OSBPL3: variants seen among roughly 807,000 people sequenced by gnomAD.
OSBPL3 encodes oxysterol binding protein like 3.
In OSBPL3, 65 loss-of-function variants were observed where a neutral mutation model predicts 120.1. The observed-to-expected ratio is 0.54, with a 90% CI of 0.44 to 0.67. OSBPL3 has a LOEUF of 0.67. OSBPL3 is among the 30% of genes least tolerant of loss of function. The pLI, the probability that OSBPL3 is intolerant of heterozygous loss-of-function variation, is 0.00. For missense variants in OSBPL3, 1,004 were observed against 1,082.1 expected, an observed-to-expected ratio of 0.93 and a Z score of 1.01; for synonymous variants, 416 against 402.6, an observed-to-expected ratio of 1.03 and a Z score of -0.40.
rs1380498570 is a variant in OSBPL3 at position 24,913,812 on chromosome 7, C to A, written c.-149-21191G>T. On this transcript the variant is annotated intron_variant, in intron 1 of 22. Coordinates refer to ENST00000313367, the MANE Select transcript of OSBPL3 (RefSeq NM_015550.4). This position sits in a 1 kb window ranked among gnomAD's most constrained non-coding sequence, Gnocchi z 5.3. The stretch of plus-strand genomic sequence containing the variant: ...GTAACAGGGTCAGTCAGTGGGGATA[C>A]AACTAGGACGAGGACAAGGACCAAG... Among the ~76,000 whole-genome samples, 1 of 152,118 alleles carries A rather than the reference C, an allele frequency of 6.6e-6. No individual in the cohort carries two copies. The highest frequency in any genetic ancestry group is 2.4e-5 in the African/African-American group (1 of 41,408).
intron 12 of OSBPL3, 77 bp downstream of exon 12, chr7:24,848,992 G>T: frequency 1.0e-6 from 1 of 982,070 alleles, no homozygotes; most frequent in Non-Finnish European, 1.6e-6. Context: ...AAGCAGGGAG[G>T]TCGTGCAATG....
In OSBPL3 at chr7:24,917,454, CAT is replaced by C. The variant is rs1174566621; in HGVS notation, c.-149-24835_-149-24834del. ...TGTAACATATATATATATACACACA[CAT>C]ATATATATATATACACACACACACA... On this transcript the variant is annotated intron_variant, in intron 1 of 22. Coordinates refer to ENST00000313367, the MANE Select transcript of OSBPL3 (RefSeq NM_015550.4). Among the ~76,000 whole-genome samples, 110 of 84,522 alleles carry C rather than the reference CAT, an allele frequency of 1.3e-3. 5 individuals are homozygous for C. The highest frequency in any genetic ancestry group is 1.6e-3 in the Non-Finnish European group (69 of 43,892). 55.4% of individuals were successfully genotyped at this position (84,522 alleles called of 152,430 possible).
At chr7:24,810,587 AAC>A (rs1793670792) in intron 19 of OSBPL3, among the ~76,000 whole-genome samples, 1 of 152,208 alleles carries the variant, frequency 6.6e-6, no homozygotes. Flanking sequence ...TCAAGTATAC[AAC>A]ACAGTTATTA....
At chr7:24,909,722 G>A (rs1320676574) in intron 1 of OSBPL3, among the ~76,000 whole-genome samples, 1 of 150,474 alleles carries the variant, frequency 6.6e-6, no homozygotes, top group South Asian at 2.1e-4. Flanking sequence ...GGAACCTATG[G>A]CAGTAAGAAT....
chr7:24,933,843 C>T lies in OSBPL3; in HGVS notation c.-149-41222G>A, dbSNP rs79545827. Among the ~76,000 whole-genome samples the T allele has an allele frequency of 9.6e-3, 1,457 of 152,210 alleles. 11 individuals carry two copies. Among genetic ancestry groups the T allele is most frequent in the Middle Eastern group, 0.034 (10 of 294 alleles). On this transcript the variant is annotated intron_variant, in intron 1 of 22. Coordinates refer to ENST00000313367, the MANE Select transcript of OSBPL3 (RefSeq NM_015550.4). This position sits in a 1 kb window ranked among gnomAD's most constrained non-coding sequence, Gnocchi z 5.1. ...TTTGGAATTTCAGTCAAATATACAG[C>T]GAAACATATATACACAAGAGCTATG...
chr7:24,821,091 T>C lies in OSBPL3; in HGVS notation c.1885-853A>G, dbSNP rs1314464857. ...AGAGGTGTATATGCTGTCATTCTAA[T>C]TCAGCACTGGTGAAACCACAGTAAT... On this transcript the variant is annotated intron_variant, in intron 16 of 22. Coordinates refer to ENST00000313367, the MANE Select transcript of OSBPL3 (RefSeq NM_015550.4). This position sits in a 1 kb window ranked among gnomAD's most constrained non-coding sequence, Gnocchi z 5.5. Among the ~76,000 whole-genome samples, 1 of 152,226 alleles carries C rather than the reference T, an allele frequency of 6.6e-6. No individual in the cohort carries two copies. The highest frequency in any genetic ancestry group is 1.5e-5 in the Non-Finnish European group (1 of 68,038).
intron 5 of OSBPL3, 31 bp from the exon 6 acceptor site, chr7:24,866,268 A>G: frequency 1.3e-6 from 2 of 1,498,778 alleles, no homozygotes; most frequent in Non-Finnish European, 1.9e-6. Flanking sequence ...AAAAGGAAAC[A>G]AGAGAATCAT....
At position 24,965,118 on chromosome 7, in the gene OSBPL3, CT is replaced by C. The variant is rs1396338953; in HGVS notation, c.-150+14767del. Among the ~76,000 whole-genome samples the C allele has an allele frequency of 6.6e-6, 1 of 152,174 alleles. No individual in the cohort carries two copies. The highest frequency in any genetic ancestry group is 2.4e-5 in the African/African-American group (1 of 41,428). On this transcript the variant is annotated intron_variant, in intron 1 of 22. Transcript: ENST00000313367. This position sits in a 1 kb window ranked among gnomAD's most constrained non-coding sequence, Gnocchi z 4.3. ...ATTTATTCAACAATAAGTATGTGCT[CT>C]GTATTATGTCTTCAAAAAATATTTA...
At position 24,972,073 on chromosome 7, in the gene OSBPL3, T is replaced by C. The variant is rs1323375708; in HGVS notation, c.-150+7813A>G. Among the ~76,000 whole-genome samples, 1 of 152,246 alleles carries C rather than the reference T, an allele frequency of 6.6e-6. No individual in the cohort carries two copies. Among genetic ancestry groups the C allele is most frequent in the African/African-American group, 2.4e-5 (1 of 41,472 alleles). ...ACACTAGAATCTAGCCAGCAAGTTA[T>C]TTTAAGCTACATGCAGGGCTATGCT... On this transcript the variant is annotated intron_variant, in intron 1 of 22. Transcript: ENST00000313367. The surrounding 1 kb of genome is among the most constrained non-coding windows in gnomAD (Gnocchi z 4.3).
intron 19 of OSBPL3, chr7:24,810,255 T>C (rs1201087046): frequency 3.6e-5 from 8 of 223,136 alleles, no homozygotes; most frequent in South Asian, 6.6e-5. Context: ...CCGGGCACGG[T>C]GGCTCACGCC....
chr7:24,947,342 T>A lies in OSBPL3; in HGVS notation c.-150+32544A>T, dbSNP rs1813846187. On this transcript the variant is annotated intron_variant, in intron 1 of 22. Transcript: ENST00000313367. The surrounding 1 kb of genome is among the most constrained non-coding windows in gnomAD (Gnocchi z 4.4). ...AAAGACAGCTAGGAAATTCTCTGAA[T>A]AAAGCTCTTCCAGGTAGAGTTCAAT... Among the ~76,000 whole-genome samples, 1 of 152,168 alleles carries A rather than the reference T, an allele frequency of 6.6e-6. No homozygotes were observed. Among genetic ancestry groups the A allele is most frequent in the African/African-American group, 2.4e-5 (1 of 41,440 alleles).
intron 5 of OSBPL3, among the ~76,000 whole-genome samples, chr7:24,869,522 C>A (rs1801816241): frequency 6.6e-6 from 1 of 152,172 alleles, no homozygotes; most frequent in Non-Finnish European, 1.5e-5. Flanking sequence ...GAACACCTGG[C>A]AATGTCTGGA....
In OSBPL3 at chr7:24,872,845, T is replaced by C. The variant is rs944392545; in HGVS notation, c.97-776A>G. ...AGAAGAACACTAAAAGTTCTGAAAATTTACTTTTAAATACTTAAAAATAAA... is the reference window on the plus strand; with the variant it reads ...AGAAGAACACTAAAAGTTCTGAAAACTTACTTTTAAATACTTAAAAATAAA... On this transcript the variant is annotated intron_variant, in intron 2 of 22. Transcript: ENST00000313367. The surrounding 1 kb of genome is among the most constrained non-coding windows in gnomAD (Gnocchi z 4.1). Among the ~76,000 whole-genome samples, 3 of 152,150 alleles carry C rather than the reference T, an allele frequency of 2.0e-5. No individual in the cohort carries two copies. Among genetic ancestry groups the C allele is most frequent in the African/African-American group, 7.2e-5 (3 of 41,506 alleles).
intron 2 of OSBPL3, among the ~76,000 whole-genome samples, chr7:24,875,085 C>A (rs1802660982): frequency 6.6e-6 from 1 of 152,248 alleles, no homozygotes; most frequent in Non-Finnish European, 1.5e-5. Context: ...CCGTCCCACA[C>A]CCCAAAGACT....
At chr7:24,832,165 C>G in intron 15 of OSBPL3, among the ~76,000 whole-genome samples, 1 of 149,740 alleles carries the variant, frequency 6.7e-6, no homozygotes, top group African/African-American at 2.5e-5. Flanking sequence ...CGTGATTGCA[C>G]CACTGCATTC....
Position 24,804,425 on chromosome 7 carries a change from T to C in OSBPL3, c.2457A>G (p.Glu819=), listed in dbSNP as rs903575018. 6.2e-7 allele frequency: 1 copy of C among 1,613,716 alleles called. No homozygotes were observed. Among genetic ancestry groups the C allele is most frequent in the Non-Finnish European group, 8.5e-7 (1 of 1,179,864 alleles). ...GTATTTCAGCTTCTTCTAAGTTCCC[T>C]TCCTCTAGAAACCTGAGGCATCGAG... ...RFRPDQRFLE[E]GNLEEAEIQK... is the part of the protein sequence containing the mutation. Residue 819 remains glutamate, a synonymous_variant, in exon 22 of 23, where the codon GAA becomes GAG. Transcript: ENST00000313367. The surrounding 1 kb of genome is among the most constrained non-coding windows in gnomAD (Gnocchi z 5.4).
chr7:24,861,574 T>C, intron 10 of OSBPL3, 39 bp downstream of exon 10: 1 of 1,439,882 alleles, frequency 6.9e-7, no homozygotes, highest in Non-Finnish European at 9.4e-7. Flanking sequence ...CACTTAACAT[T>C]TTCATCAAAC....
At chr7:24,861,933 C>T (rs781720987) in intron 9 of OSBPL3, among the ~76,000 whole-genome samples, 164 bp from the exon 10 acceptor site, 3 of 148,464 alleles carry the variant, frequency 2.0e-5, no homozygotes, top group Non-Finnish European at 1.5e-5. Context: ...GCCACCCAGG[C>T]TGGAGTGCAG....
In OSBPL3 at chr7:24,835,255, C is replaced by T. The variant is rs1796858491; in HGVS notation, c.1496-519G>A. ...TACTGTATACGTATTTTATATTCTGCTTGTTCAGCTAACAGAGTATTTTTC... is the reference window on the plus strand; with the variant it reads ...TACTGTATACGTATTTTATATTCTGTTTGTTCAGCTAACAGAGTATTTTTC... On this transcript the variant is annotated intron_variant, in intron 14 of 22. Coordinates refer to ENST00000313367, the MANE Select transcript of OSBPL3 (RefSeq NM_015550.4). This position sits in a 1 kb window ranked among gnomAD's most constrained non-coding sequence, Gnocchi z 4.8. 6.6e-6 allele frequency among the ~76,000 whole-genome samples: 1 copy of T among 151,906 alleles called. No homozygotes were observed. The highest frequency in any genetic ancestry group is 1.5e-5 in the Non-Finnish European group (1 of 68,000).
Sources: allele counts gnomAD v4.1 joint callset (sites outside exome capture counted in the v4.1 genomes callset), GRCh38; gene constraint gnomAD v4.1.1; non-coding constraint Gnocchi (gnomAD v3.1); transcripts MANE v1.5; gene names NCBI Gene and HGNC (gene_info 2026-07-23, HGNC 2026-07-21).